The following DPH7 variants were observed in gnomAD, a reference collection of about 807,000 sequenced individuals.
DPH7 encodes diphthamide biosynthesis 7, also known as diphthine methyltransferase.
Under a neutral mutation model 41.7 loss-of-function variants are expected in DPH7, and 44 were observed. The observed-to-expected ratio is 1.05, with a 90% confidence interval of 0.83 to 1.36. The LOEUF (loss-of-function observed/expected upper bound fraction) is 1.36. Among genes scored for constraint, DPH7 ranks in the 40% most tolerant of loss-of-function variants. DPH7 has a pLI of 0.00. For missense variants in DPH7, 629 were observed against 577.5 expected, an observed-to-expected ratio of 1.09 and a Z score of -0.91; for synonymous variants, 275 against 238.0, an observed-to-expected ratio of 1.16 and a Z score of -1.43.
chr9:137,561,572 C>T (rs1257679593), intron 8 of DPH7, among the ~76,000 whole-genome samples: 2 of 148,282 alleles, frequency 1.3e-5, no homozygotes, highest in Non-Finnish European at 3.0e-5. Context: ...AGCATGACCC[C>T]ATACCAAAGA....
Position 137,577,564 on chromosome 9 carries a change from G to A in DPH7, c.193C>T (p.Arg65Cys), listed in dbSNP as rs199519529. ...EVKEPQVRLG[R>C]LFLYSFNDNN... ...TCATTGAAACTGTACAGGAAGAGACGGCCTAAACGGACCTGAGGCTCCTTA... is the reference window on the plus strand; with the variant it reads ...TCATTGAAACTGTACAGGAAGAGACAGCCTAAACGGACCTGAGGCTCCTTA... Residue 65 changes from arginine to cysteine, a missense_variant, in exon 2 of 9, where the codon CGT (arginine) becomes TGT (cysteine). Arg to Cys is a radical substitution (Grantham distance 180). Coordinates refer to ENST00000277540, the MANE Select transcript of DPH7 (RefSeq NM_138778.5). The A allele has an allele frequency of 7.7e-5, 124 of 1,613,966 alleles. No individual in the cohort carries two copies. The highest frequency in any genetic ancestry group is 1.3e-4 in the Admixed American group (8 of 60,022).
chr9:137,577,382 C>T (rs1841593663), intron 2 of DPH7, 88 bp downstream of exon 2: 4 of 1,329,478 alleles, frequency 3.0e-6, no homozygotes, highest in Admixed American at 3.8e-5. Flanking sequence ...AGATGCAATG[C>T]CTGTCTTGTT....
At chr9:137,573,842 C>T (rs756074629) in intron 5 of DPH7, among the ~76,000 whole-genome samples, 7 of 151,832 alleles carry the variant, frequency 4.6e-5, no homozygotes, top group South Asian at 2.1e-4. Flanking sequence ...CTGAGGTGGG[C>T]GCATCATGAG....
intron 5 of DPH7, among the ~76,000 whole-genome samples, chr9:137,570,330 G>T (rs1840222005): frequency 6.6e-6 from 1 of 152,202 alleles, no homozygotes; most frequent in Non-Finnish European, 1.5e-5. Flanking sequence ...AGTAGGCAAA[G>T]GCTTCTTTAT....
intron 2 of DPH7, among the ~76,000 whole-genome samples, chr9:137,576,906 G>A (rs571745299): frequency 1.9e-4 from 28 of 151,340 alleles, no homozygotes; most frequent in African/African-American, 5.6e-4. Flanking sequence ...AAAAAAAAGA[G>A]GCATGGTGGC....
chr9:137,559,493 C>T (rs568153949), intron 8 of DPH7, among the ~76,000 whole-genome samples: 18 of 152,332 alleles, frequency 1.2e-4, no homozygotes, highest in South Asian at 4.1e-4. Flanking sequence ...CAGACCTGCC[C>T]GCAGTTATCC....
In DPH7 at chr9:137,554,897, A is replaced by G. The variant is rs1286886422; in HGVS notation, c.*342T>C. ...AATGTTCATTTTAAACATGTTATAA[A>G]CTCGTGTTTTTCAAAAAACTTCATT... On this transcript the variant is annotated 3_prime_UTR_variant, in exon 9 of 9. Coordinates refer to ENST00000277540, the MANE Select transcript of DPH7 (RefSeq NM_138778.5). The G allele has an allele frequency of 8.8e-6, 2 of 227,148 alleles. No homozygotes were observed. The highest frequency in any genetic ancestry group is 8.5e-6 in the Non-Finnish European group (1 of 117,746). The allele number at this position is 227,148 out of a possible 1,614,324, so 14.1% of individuals were successfully genotyped here. A position where few individuals can be genotyped will look rare whatever the true frequency, so the allele number is the denominator to read the frequency against.
Position 137,578,655 on chromosome 9 carries a change from C to T in DPH7, c.123G>A (p.Pro41=). 1.3e-6 allele frequency: 2 copies of T among 1,520,220 alleles called. No individual in the cohort carries two copies. Among genetic ancestry groups the T allele is most frequent in the Non-Finnish European group, 8.8e-7 (1 of 1,137,434 alleles). 94.2% of individuals were successfully genotyped at this position (1,520,220 alleles called of 1,614,324 possible). The change falls in exon 1 of 9, where the codon CCG becomes CCA. Residue 41 remains proline (P), a synonymous_variant. Coordinates refer to ENST00000277540, the MANE Select transcript of DPH7 (RefSeq NM_138778.5). ...LACGTYQLRR[P]EDRPAGPQNK... is the part of the protein sequence containing the mutation. ...TCTGGGGGCCGGCAGGCCGGTCCTC[C>T]GGCCGCCGCAGCTGGTAGGTCCCGC...
Position 137,577,458 on chromosome 9 carries a change from T to C in DPH7, c.287+12A>G, listed in dbSNP as rs1384608733. On this transcript the variant is annotated intron_variant, in intron 2 of 8. Transcript: ENST00000277540. The stretch of plus-strand genomic sequence containing the variant: ...ACAAATTCTACACCCAGTGGGATTA[T>C]CACAGTTATACCATTTCATGTCCAG... The C allele has an allele frequency of 6.2e-7, 1 of 1,611,934 alleles. No homozygotes were observed. Among genetic ancestry groups the C allele is most frequent in the African/African-American group, 1.3e-5 (1 of 74,894 alleles).
Position 137,555,404 on chromosome 9 carries a change from T to G in DPH7, c.1194A>C (p.Pro398=). The change falls in exon 9 of 9, where the codon CCA becomes CCC. Residue 398 remains proline, a synonymous_variant. Transcript: ENST00000277540. ...CATTCTTCCTCATGCCCTCTGTGAGTGGCTTCATTCCACTCTGGGGTCTGG... is the reference window on the plus strand; with the variant it reads ...CATTCTTCCTCATGCCCTCTGTGAGGGGCTTCATTCCACTCTGGGGTCTGG... The part of the protein sequence containing the change: ...GHARPQSGMK[P]LTEGMRKNGT... 6.2e-7 allele frequency: 1 copy of G among 1,614,148 alleles called. No homozygotes were observed. The highest frequency in any genetic ancestry group is 8.5e-7 in the Non-Finnish European group (1 of 1,180,020).
chr9:137,569,596 AAGCC>A (rs1163881930), intron 5 of DPH7, among the ~76,000 whole-genome samples: 4 of 73,026 alleles, frequency 5.5e-5, no homozygotes, highest in Non-Finnish European at 7.9e-5. Flanking sequence ...CCCGTCTATC[AAGCC>A]AGCCAGCCAG....
At chr9:137,562,131 T>C (rs1427518268) in intron 8 of DPH7, among the ~76,000 whole-genome samples, 1 of 152,174 alleles carries the variant, frequency 6.6e-6, no homozygotes, top group Non-Finnish European at 1.5e-5. Context: ...CCCAAAGTAC[T>C]GGGATTACAG....
Position 137,565,080 on chromosome 9 carries a change from G to A in DPH7, c.710+5C>T. On this transcript the variant is annotated splice_donor_5th_base_variant and intron_variant, in intron 6 of 8. Coordinates refer to ENST00000277540, the MANE Select transcript of DPH7 (RefSeq NM_138778.5). ...GGCACCGAGTGCTGGCCCTTGGGCA[G>A]TTACCTTTTGCTGGTGAAGAGAAAT... The A allele has an allele frequency of 6.2e-7, 1 of 1,614,062 alleles. No homozygotes were observed. The highest frequency in any genetic ancestry group is 8.5e-7 in the Non-Finnish European group (1 of 1,180,012).
intron 8 of DPH7, among the ~76,000 whole-genome samples, chr9:137,561,348 C>T (rs545638106): frequency 3.9e-5 from 6 of 152,010 alleles, no homozygotes; most frequent in East Asian, 3.9e-4. Context: ...TGCACGACCC[C>T]GGCCAACATG....
At chr9:137,578,504 G>C (rs1272662506) in intron 1 of DPH7, 121 bp downstream of exon 1, 3 of 1,162,406 alleles carry the variant, frequency 2.6e-6, no homozygotes, top group Non-Finnish European at 3.4e-6. Context: ...ACTGTTTCCA[G>C]CCTACCTCCT....
intron 5 of DPH7, among the ~76,000 whole-genome samples, chr9:137,572,187 G>T (rs530191494): frequency 6.6e-6 from 1 of 152,300 alleles, no homozygotes; most frequent in African/African-American, 2.4e-5. Context: ...CTAAGGACAA[G>T]ATTTTAAGCT....
chr9:137,564,282 A>T (rs913979617), intron 8 of DPH7, 152 bp downstream of exon 8: 2 of 951,230 alleles, frequency 2.1e-6, no homozygotes. Flanking sequence ...ATCACGACCA[A>T]GTCTAGGGCG....
Position 137,555,181 on chromosome 9 carries a change from A to G in DPH7, c.*58T>C. 1 of 1,533,190 alleles carries G rather than the reference A, an allele frequency of 6.5e-7. No individual in the cohort carries two copies. The highest frequency in any genetic ancestry group is 8.8e-7 in the Non-Finnish European group (1 of 1,139,090). 95.0% of individuals were successfully genotyped at this position (1,533,190 alleles called of 1,614,324 possible). ...CATCTCTGATGAGGTGGTCCCGGGC[A>G]CTCACTCGCAGTCTCCCTCCTGGTT... On this transcript the variant is annotated 3_prime_UTR_variant, in exon 9 of 9. Transcript: ENST00000277540.
At chr9:137,564,315 C>T (rs894407166) in intron 8 of DPH7, 119 bp downstream of exon 8, 1 of 1,304,766 alleles carries the variant, frequency 7.7e-7, no homozygotes, top group African/African-American at 1.5e-5. Flanking sequence ...TGTGTAAAAG[C>T]TGAGGGAAGA....
Sources: gnomAD v4.1 joint callset for allele counts (sites outside exome capture counted in the v4.1 genomes callset) on GRCh38, gnomAD v4.1.1 for gene constraint, MANE v1.5 for transcripts, NCBI Gene and HGNC (gene_info 2026-07-23, HGNC 2026-07-21) for gene names.